The following SLC71A1 variants were observed in gnomAD, a reference collection of about 807,000 sequenced individuals.
SLC71A1 encodes the protein hippocampus abundant gene transcript 1.
At chr1:100,049,321 G>GT in the SLC71A1 span, among the ~76,000 whole-genome samples, 4,912 of 129,502 alleles carry the variant, frequency 0.038, 128 homozygotes, top group South Asian at 0.074. Flanking sequence ...TTCATTTATG[G>GT]TTTTTTTTTT....
At chr1:100,057,712 G>A in the SLC71A1 span, among the ~76,000 whole-genome samples, 9 of 152,146 alleles carry the variant, frequency 5.9e-5, no homozygotes, top group African/African-American at 2.2e-4. Flanking sequence ...GCTATTGGCA[G>A]GAGAAGAATA....
the SLC71A1 span, among the ~76,000 whole-genome samples, chr1:100,039,740 G>A: frequency 1.3e-5 from 2 of 152,310 alleles, no homozygotes; most frequent in African/African-American, 4.8e-5. Context: ...TAGTGGCAAT[G>A]AAAGATTGTA....
the SLC71A1 span, chr1:100,058,867 A>C: frequency 6.3e-6 from 3 of 479,566 alleles, no homozygotes; most frequent in Non-Finnish European, 1.1e-5. Flanking sequence ...TTTTATAATT[A>C]GATGGAGTAT....
At chr1:100,080,348 T>C in the SLC71A1 span, 5 of 636,350 alleles carry the variant, frequency 7.9e-6, no homozygotes, top group African/African-American at 1.8e-5. Context: ...TTCTAAATAT[T>C]AATAGTTTTT....
At chr1:100,051,952 T>C in the SLC71A1 span, among the ~76,000 whole-genome samples, 1 of 152,206 alleles carries the variant, frequency 6.6e-6, no homozygotes, top group South Asian at 2.1e-4. Flanking sequence ...ATAATACAGA[T>C]GAGGAAACCG....
the SLC71A1 span, among the ~76,000 whole-genome samples, chr1:100,060,863 T>G: frequency 1.3e-5 from 2 of 152,140 alleles, no homozygotes; most frequent in African/African-American, 4.8e-5. Flanking sequence ...TTCTGACTAA[T>G]GTTCTTTTTA....
At chr1:100,039,163 T>G in the SLC71A1 span, among the ~76,000 whole-genome samples, 1 of 152,260 alleles carries the variant, frequency 6.6e-6, no homozygotes, top group African/African-American at 2.4e-5. Flanking sequence ...AAAACTGTTT[T>G]ATGCTAACAT....
At chr1:100,058,674 T>C in the SLC71A1 span, 1 of 1,560,688 alleles carries the variant, frequency 6.4e-7, no homozygotes, top group East Asian at 2.3e-5. Context: ...AGGTATTACA[T>C]GAAACCTTTC....
chr1:100,067,452 T>A, the SLC71A1 span, among the ~76,000 whole-genome samples: 7 of 152,234 alleles, frequency 4.6e-5, no homozygotes, highest in East Asian at 1.4e-3. Context: ...GGTTTCTCCA[T>A]GTTGTCCAGG....
the SLC71A1 span, among the ~76,000 whole-genome samples, chr1:100,075,462 GTTC>G: frequency 2.6e-5 from 4 of 152,288 alleles, no homozygotes; most frequent in African/African-American, 9.6e-5. Flanking sequence ...TTTCCCAGAA[GTTC>G]TTCAACTTTG....
chr1:100,039,797 G>A, the SLC71A1 span, among the ~76,000 whole-genome samples: 2 of 152,204 alleles, frequency 1.3e-5, no homozygotes, highest in Admixed American at 1.3e-4. Flanking sequence ...TTTACAAAAT[G>A]TAAGAATGAA....
chr1:100,082,490 G>A, the SLC71A1 span: 1 of 383,364 alleles, frequency 2.6e-6, no homozygotes, highest in Non-Finnish European at 4.8e-6. Context: ...AACTATATAT[G>A]TAACTTCTTA....
chr1:100,082,377 A>T, the SLC71A1 span: 10 of 592,148 alleles, frequency 1.7e-5, no homozygotes, highest in Admixed American at 2.8e-4. Context: ...AGAACCAGAC[A>T]GTTTTCCAAA....
chr1:100,064,054 T>C, the SLC71A1 span, among the ~76,000 whole-genome samples: 1 of 152,210 alleles, frequency 6.6e-6, no homozygotes, highest in Non-Finnish European at 1.5e-5. Flanking sequence ...AAACCACACC[T>C]AGGGCTGCAA....
chr1:100,075,888 G>A, the SLC71A1 span, among the ~76,000 whole-genome samples: 1 of 152,118 alleles, frequency 6.6e-6, no homozygotes, highest in Non-Finnish European at 1.5e-5. Flanking sequence ...ATGTTGTCCA[G>A]GCTGGTCTCA....
At chr1:100,040,379 C>T in the SLC71A1 span, among the ~76,000 whole-genome samples, 1 of 152,264 alleles carries the variant, frequency 6.6e-6, no homozygotes, top group South Asian at 2.1e-4. Flanking sequence ...ATAACTATTG[C>T]AGTCATAGAA....
At chr1:100,065,710 CT>C in the SLC71A1 span, among the ~76,000 whole-genome samples, 1 of 120,728 alleles carries the variant, frequency 8.3e-6, no homozygotes, top group Admixed American at 7.8e-5. Flanking sequence ...TTCCCTAAGC[CT>C]TTTCCCTTTT....
the SLC71A1 span, chr1:100,082,439 G>A: frequency 5.7e-6 from 3 of 522,192 alleles, no homozygotes; most frequent in Non-Finnish European, 1.0e-5. Flanking sequence ...CCAATTTCTT[G>A]CCACTAAGCT....
the SLC71A1 span, among the ~76,000 whole-genome samples, chr1:100,068,750 A>C: frequency 6.6e-6 from 1 of 152,222 alleles, no homozygotes; most frequent in African/African-American, 2.4e-5. Context: ...TGGTAGGCCA[A>C]GGTGGGTGGA....
Sources: gnomAD v4.1 joint callset for allele counts (sites outside exome capture counted in the v4.1 genomes callset) on GRCh38, gnomAD v4.1.1 for gene constraint, MANE v1.5 for transcripts, NCBI Gene and HGNC (gene_info 2026-07-23, HGNC 2026-07-21) for gene names.